The following COP1 variants were observed in gnomAD, a reference collection of about 807,000 sequenced individuals.
The protein encoded by COP1 is COP1 E3 ubiquitin ligase, also known as E3 ubiquitin-protein ligase COP1.
COP1 carries 24 observed loss-of-function variants against 101.3 expected under a neutral mutation model. The ratio of observed to expected loss-of-function variants is 0.24; its 90% CI spans 0.17 to 0.33. COP1 has a LOEUF of 0.33. COP1 is among the 10% of genes least tolerant of loss of function. The probability of loss-of-function intolerance (pLI) is 1.00; values close to 1 mark genes in which losing one functional copy is unlikely to be tolerated. For synonymous variants in COP1, 347 were observed against 341.9 expected (o/e 1.01, Z -0.17); for missense variants, 663 against 906.2 (o/e 0.73, Z 3.45).
chr1:176,100,250 G>T, intron 9 of COP1: 1 of 247,986 alleles, frequency 4.0e-6, no homozygotes, highest in Non-Finnish European at 8.4e-6. Context: ...CTTACCAGGT[G>T]TGGAGGCAGG....
intron 9 of COP1, among the ~76,000 whole-genome samples, chr1:176,098,519 T>C (rs777615409): frequency 5.9e-5 from 9 of 152,306 alleles, no homozygotes; most frequent in East Asian, 1.9e-4. Flanking sequence ...GATGGAAGGA[T>C]TGTAAAAATT....
intron 18 of COP1, among the ~76,000 whole-genome samples, chr1:175,965,903 C>G (rs1168536412): frequency 6.6e-6 from 1 of 152,150 alleles, no homozygotes; most frequent in Non-Finnish European, 1.5e-5. Flanking sequence ...TTTGATTCAT[C>G]ATAAGAATCC....
rs1251552952 is a variant in COP1, at chr1:175,998,671, T to C, written c.1730-9192A>G. On this transcript the variant is annotated intron_variant, in intron 15 of 19. Coordinates refer to ENST00000367669, the MANE Select transcript of COP1 (RefSeq NM_022457.7). ...TACATCCATTTAGGATACTCACAGATAGTTCATAATGTACAATAGTCCAGA... is the reference window on the plus strand; with the variant it reads ...TACATCCATTTAGGATACTCACAGACAGTTCATAATGTACAATAGTCCAGA... Among the ~76,000 whole-genome samples, 4 of 152,052 alleles carry C rather than the reference T, an allele frequency of 2.6e-5. No individual in the cohort carries two copies. The East Asian group carries it at 5.8e-4, about 22-fold the overall frequency.
intron 15 of COP1, among the ~76,000 whole-genome samples, chr1:175,993,213 G>A (rs911953904): frequency 6.6e-6 from 1 of 152,182 alleles, no homozygotes; most frequent in Non-Finnish European, 1.5e-5. Flanking sequence ...CTAACAAACA[G>A]AAAGGACATC....
intron 5 of COP1, among the ~76,000 whole-genome samples, chr1:176,156,116 G>C (rs1693411746): frequency 1.3e-5 from 2 of 151,940 alleles, no homozygotes; most frequent in South Asian, 4.1e-4. Flanking sequence ...AAAAAGTTTG[G>C]TGAGACTTAT....
intron 9 of COP1, 53 bp from the exon 10 acceptor site, chr1:176,085,943 G>A: frequency 1.1e-6 from 1 of 938,418 alleles, no homozygotes; most frequent in Non-Finnish European, 1.7e-6. Context: ...CTCTTCTTTT[G>A]CACAGAATAC....
chr1:176,048,195 C>CTTTTT (rs10680105), intron 11 of COP1, among the ~76,000 whole-genome samples: 6 of 126,598 alleles, frequency 4.7e-5, no homozygotes, highest in East Asian at 2.3e-4. Flanking sequence ...AATTAAAATT[C>CTTTTT]TTTTTTTTTT....
At chr1:175,993,096 T>C (rs894879298) in intron 15 of COP1, among the ~76,000 whole-genome samples, 1 of 152,138 alleles carries the variant, frequency 6.6e-6, no homozygotes, top group African/African-American at 2.4e-5. Context: ...GAAAAGCCGC[T>C]GTTCTGCAGC....
intron 11 of COP1, among the ~76,000 whole-genome samples, chr1:176,054,223 T>A (rs1390564782): frequency 6.6e-6 from 1 of 150,888 alleles, no homozygotes; most frequent in Non-Finnish European, 1.5e-5. Context: ...GCAGTGGGCA[T>A]GATCTCGGCT....
chr1:176,197,945 A>T (rs1699871390), intron 1 of COP1, among the ~76,000 whole-genome samples: 1 of 152,222 alleles, frequency 6.6e-6, no homozygotes, highest in Non-Finnish European at 1.5e-5. Flanking sequence ...GGTAAATTTT[A>T]AAAATATGGT....
At chr1:176,082,596 C>T (rs1240875339) in intron 10 of COP1, among the ~76,000 whole-genome samples, 1 of 152,038 alleles carries the variant, frequency 6.6e-6, no homozygotes, top group African/African-American at 2.4e-5. Flanking sequence ...CACCTGAGGT[C>T]GGGAGTTCGA....
chr1:176,043,568 T>C, intron 13 of COP1, 142 bp downstream of exon 13: 1 of 625,448 alleles, frequency 1.6e-6, no homozygotes, highest in East Asian at 2.6e-5. Context: ...AAAAAGCATT[T>C]GGTATTGCAT....
chr1:176,028,717 A>ATATATATATATATATATATATG (rs1668144931), intron 14 of COP1, among the ~76,000 whole-genome samples: 3 of 134,318 alleles, frequency 2.2e-5, no homozygotes, highest in Admixed American at 1.5e-4. Flanking sequence ...ATATATATAT[A>ATATATATATATATATATATATG]TATATATATA....
chr1:175,965,785 T>C (rs995448738), intron 18 of COP1, among the ~76,000 whole-genome samples: 1 of 152,098 alleles, frequency 6.6e-6, no homozygotes, highest in Non-Finnish European at 1.5e-5. Flanking sequence ...GGTTTCATCA[T>C]GTTGGTCAGG....
Position 176,201,119 on chromosome 1 carries a change from T to C in COP1, c.407+5453A>G, listed in dbSNP as rs554005959. ...CAGAGGAAATGCTCACTGGAGCATTTTGGATTTCAGATTTTTCAGATTAAG... is the reference window on the plus strand; with the variant it reads ...CAGAGGAAATGCTCACTGGAGCATTCTGGATTTCAGATTTTTCAGATTAAG... On this transcript the variant is annotated intron_variant, in intron 1 of 19. Coordinates refer to ENST00000367669, the MANE Select transcript of COP1 (RefSeq NM_022457.7). Among the ~76,000 whole-genome samples the C allele has an allele frequency of 2.6e-5, 4 of 152,296 alleles. No individual in the cohort carries two copies. In the South Asian group the frequency reaches 8.3e-4, roughly 32 times the overall value.
At chr1:176,134,917 T>A (rs1322462532) in intron 8 of COP1, 93 bp downstream of exon 8, 1 of 867,522 alleles carries the variant, frequency 1.2e-6, no homozygotes, top group Non-Finnish European at 1.9e-6. Flanking sequence ...CTCAGGGGTT[T>A]CATACACTGC....
At chr1:176,018,660 T>C (rs1258217279) in intron 15 of COP1, 1 of 152,184 alleles carries the variant, frequency 6.6e-6, no homozygotes, top group Non-Finnish European at 1.5e-5. Context: ...TTATCCATAC[T>C]AAGTTTATCT....
intron 11 of COP1, among the ~76,000 whole-genome samples, chr1:176,076,003 C>CAAAA (rs60998287): frequency 0.056 from 5,424 of 96,126 alleles, 238 homozygotes; most frequent in Middle Eastern, 0.097. Flanking sequence ...AACTCCATCT[C>CAAAA]AAAAAAAAAA....
intron 16 of COP1, chr1:175,988,650 T>C (rs894780171): frequency 6.3e-5 from 23 of 365,034 alleles, no homozygotes; most frequent in East Asian, 1.7e-4. Flanking sequence ...CTGGCCAACA[T>C]AGCAAAACAC....
Sources: gnomAD v4.1 joint callset for allele counts (sites outside exome capture counted in the v4.1 genomes callset) on GRCh38, gnomAD v4.1.1 for gene constraint, MANE v1.5 for transcripts, NCBI Gene and HGNC (gene_info 2026-07-23, HGNC 2026-07-21) for gene names.